Variants in LMF1 observed in about 807,000 individuals in gnomAD.
LMF1 encodes transmembrane protein 112.
In LMF1, 68 loss-of-function variants were observed where a neutral mutation model predicts 60.6. The ratio of observed to expected loss-of-function variants is 1.12; its 90% CI spans 0.92 to 1.37. LMF1 has a LOEUF of 1.37. Among genes scored for constraint, LMF1 ranks in the 40% most tolerant of loss-of-function variants. The pLI is 0.00. For missense variants in LMF1, 948 were observed against 767.2 expected (o/e 1.24, Z -2.78); for synonymous variants, 418 against 324.7 (o/e 1.29, Z -3.09).
At chr16:971,857 C>T (rs1473871515), upstream of LMF1, among the ~76,000 whole-genome samples, 6 of 152,182 alleles carry the variant, frequency 3.9e-5, no homozygotes, top group African/African-American at 1.2e-4. Flanking sequence ...GTGCAGATTT[C>T]TCCTTATTCA....
At chr16:921,398 G>C (rs542463609) in intron 3 of LMF1, among the ~76,000 whole-genome samples, 1 of 152,040 alleles carries the variant, frequency 6.6e-6, no homozygotes, top group South Asian at 2.1e-4. Context: ...CTGCAGAGAC[G>C]TGGACAAGGC....
At chr16:974,338 C>T (rs984961606), upstream of LMF1, among the ~76,000 whole-genome samples, 71 of 152,144 alleles carry the variant, frequency 4.7e-4, 1 homozygote, top group African/African-American at 1.6e-3. Context: ...TGGGCCCTGC[C>T]CTGAGCGCCT....
intron 4 of LMF1, chr16:893,323 G>C: frequency 1.7e-6 from 1 of 601,698 alleles, no homozygotes; most frequent in Non-Finnish European, 3.1e-6. Flanking sequence ...CTTCCTTTGC[G>C]CCTTCCCCAA....
chr16:871,094 G>C (rs1159155849), intron 7 of LMF1, 67 bp downstream of exon 7: 20 of 1,468,986 alleles, frequency 1.4e-5, no homozygotes, highest in Admixed American at 2.3e-5. Context: ...ACACGGGCAG[G>C]CTGTGGGGCT....
intron 2 of LMF1, among the ~76,000 whole-genome samples, chr16:944,436 C>T (rs1423305454): frequency 1.3e-5 from 2 of 152,244 alleles, no homozygotes; most frequent in Non-Finnish European, 2.9e-5. Context: ...GCCCTCAACT[C>T]TGATCCCTGC....
At chr16:978,706 C>T (rs909170114) in intron 1 of LMF1, among the ~76,000 whole-genome samples, 5 of 152,104 alleles carry the variant, frequency 3.3e-5, no homozygotes, top group African/African-American at 1.2e-4. Context: ...CATGCAGACA[C>T]GGCGGAGCAG....
chr16:864,829 G>A lies in LMF1; in HGVS notation c.1529+4115C>T, dbSNP rs1446602852. Reference sequence around the variant, plus strand: ...TAGTAAAGAGGGTTTTGCCATGATGGCCAGGCTGATTTTGAACTCCTGACT... The same window carrying A: ...TAGTAAAGAGGGTTTTGCCATGATGACCAGGCTGATTTTGAACTCCTGACT... On this transcript the variant is annotated intron_variant, in intron 10 of 10. Transcript: ENST00000262301. 2.0e-5 allele frequency among the ~76,000 whole-genome samples: 3 copies of A among 151,912 alleles called. No homozygotes were observed. In the East Asian group the frequency reaches 5.8e-4, roughly 29 times the overall value.
chr16:895,575 G>A (rs1212505667), intron 4 of LMF1, among the ~76,000 whole-genome samples: 1 of 152,214 alleles, frequency 6.6e-6, no homozygotes, highest in Admixed American at 6.5e-5. Flanking sequence ...GGCAGGGGAG[G>A]GGCGTGTCCA....
Position 888,920 on chromosome 16 carries a change from TC to T in LMF1, c.729+4086del, listed in dbSNP as rs879867702. ...GTCCTCAGCTGGGACAGGAGCTGCA[TC>T]CCCCCTCTCCTGTGCTGCGCTGGCC... On this transcript the variant is annotated intron_variant, in intron 5 of 10. Transcript: ENST00000262301. Among the ~76,000 whole-genome samples the T allele has an allele frequency of 4.9e-3, 735 of 149,922 alleles. 5 individuals carry two copies. The highest frequency in any genetic ancestry group is 0.017 in the African/African-American group (683 of 39,340).
At position 923,205 on chromosome 16, in the gene LMF1, G is replaced by A. The variant is rs896523614; in HGVS notation, c.514+11039C>T. 2.0e-5 allele frequency among the ~76,000 whole-genome samples: 3 copies of A among 152,188 alleles called. No homozygotes were observed. The East Asian group carries it at 5.8e-4, about 29-fold the overall frequency. On this transcript the variant is annotated intron_variant, in intron 3 of 10. Coordinates refer to ENST00000262301, the MANE Select transcript of LMF1 (RefSeq NM_022773.4). The stretch of plus-strand genomic sequence containing the variant: ...GCATTTCCAAATGCAGGAATGTGAT[G>A]CCTGGGATCTGCGTCATGGCAAAAC...
intron 1 of LMF1, chr16:975,990 T>C (rs1222760075): frequency 2.2e-6 from 1 of 453,106 alleles, no homozygotes; most frequent in Non-Finnish European, 4.4e-6. Context: ...AGGGGCCTCA[T>C]GAACTCTGTG....
rs965963991 is a variant in LMF1, at chr16:854,370, G to A, written c.*162C>T. On this transcript the variant is annotated 3_prime_UTR_variant, in exon 11 of 11. Transcript: ENST00000262301. The stretch of plus-strand genomic sequence containing the variant: ...GGGCCTGGGAGCCGCCACAGTATGT[G>A]ACAACAGACCCCACCCTGGACCCCC... 39 of 813,978 alleles carry A rather than the reference G, an allele frequency of 4.8e-5. 1 individual carries two copies. In the African/African-American group the frequency reaches 6.1e-4, roughly 13 times the overall value. 50.4% of individuals were successfully genotyped at this position (813,978 alleles called of 1,614,324 possible).
rs950262959 is a variant in LMF1, at chr16:897,991, C to G, written c.664-4919G>C. On this transcript the variant is annotated intron_variant, in intron 4 of 10. Transcript: ENST00000262301. This position sits in a 1 kb window ranked among gnomAD's most constrained non-coding sequence, Gnocchi z 4.3. ...CAGGCATCCTCTGCGTGGTGGGCGC[C>G]TTCTGCGTGGCGGGCGTCCTCTGGA... Among the ~76,000 whole-genome samples the G allele has an allele frequency of 1.3e-5, 2 of 152,228 alleles. No homozygotes were observed. Among genetic ancestry groups the G allele is most frequent in the African/African-American group, 4.8e-5 (2 of 41,468 alleles).
At chr16:910,424 C>T (rs1353769869) in intron 4 of LMF1, among the ~76,000 whole-genome samples, 2 of 152,190 alleles carry the variant, frequency 1.3e-5, no homozygotes, top group African/African-American at 4.8e-5. Context: ...GCAAAGCACC[C>T]GGGAGGAAGG....
At chr16:921,298 G>C (rs2071423769) in intron 3 of LMF1, 1 of 152,288 alleles carries the variant, frequency 6.6e-6, no homozygotes, top group African/African-American at 2.4e-5. Flanking sequence ...AGACAGCGCA[G>C]AGCCCTCCTG....
chr16:973,244 CTG>C (rs1322213026), upstream of LMF1, among the ~76,000 whole-genome samples: 1 of 152,168 alleles, frequency 6.6e-6, no homozygotes, highest in Non-Finnish European at 1.5e-5. Flanking sequence ...ACTCGGGAGA[CTG>C]TGACAGGAGA....
chr16:859,204 G>T (rs1352717191), intron 10 of LMF1, among the ~76,000 whole-genome samples: 1 of 124,286 alleles, frequency 8.0e-6, no homozygotes, highest in South Asian at 2.6e-4. Flanking sequence ...GGTGTGAGTG[G>T]TGTCTCGGGA....
At chr16:915,667 C>A (rs2071259226) in intron 3 of LMF1, among the ~76,000 whole-genome samples, 1 of 152,168 alleles carries the variant, frequency 6.6e-6, no homozygotes, top group East Asian at 1.9e-4. Flanking sequence ...AGCCTAGGGA[C>A]AGGGTGCAGT....
At chr16:966,897 ACT>A (rs1212945665) in intron 1 of LMF1, among the ~76,000 whole-genome samples, 9 of 152,224 alleles carry the variant, frequency 5.9e-5, no homozygotes, top group African/African-American at 2.2e-4. Flanking sequence ...CTGTAATTAC[ACT>A]GTTTCCAGAT....
Sources: allele counts gnomAD v4.1 joint callset (sites outside exome capture counted in the v4.1 genomes callset), GRCh38; gene constraint gnomAD v4.1.1; non-coding constraint Gnocchi (gnomAD v3.1); transcripts MANE v1.5; gene names NCBI Gene and HGNC (gene_info 2026-07-23, HGNC 2026-07-21).